MARK1: variants seen among roughly 807,000 people sequenced by gnomAD.
The protein encoded by MARK1 is serine/threonine-protein kinase MARK1.
In MARK1, 40 loss-of-function variants were observed where a neutral mutation model predicts 96.3. That is an observed-to-expected ratio of 0.42 (90% CI 0.32 to 0.54). MARK1 has a LOEUF of 0.54. Among genes scored for constraint, MARK1 ranks in the 20% least tolerant of loss-of-function variants. The probability of loss-of-function intolerance (pLI) is 0.16; values close to 1 mark genes in which losing one functional copy is unlikely to be tolerated. For missense variants in MARK1, 719 were observed against 984.6 expected (o/e 0.73, Z 3.61); for synonymous variants, 317 against 341.2 (o/e 0.93, Z 0.78).
intron 1 of MARK1, among the ~76,000 whole-genome samples, chr1:220,538,007 G>A (rs1558243193): frequency 6.6e-6 from 1 of 152,026 alleles, no homozygotes; most frequent in African/African-American, 2.4e-5. Context: ...AGATGAGTAG[G>A]TTGTGAAAAT....
intron 5 of MARK1, among the ~76,000 whole-genome samples, 171 bp from the exon 6 acceptor site, chr1:220,603,896 A>T (rs934608364): frequency 1.3e-5 from 2 of 152,108 alleles, no homozygotes; most frequent in Admixed American, 6.6e-5. Context: ...TCAATTTTAT[A>T]TGTAATTTTT....
chr1:220,557,005 A>G (rs1662310538), intron 1 of MARK1, among the ~76,000 whole-genome samples: 1 of 152,178 alleles, frequency 6.6e-6, no homozygotes, highest in South Asian at 2.1e-4. Context: ...GATTGTGGCT[A>G]GGGGTTATCC....
intron 1 of MARK1, among the ~76,000 whole-genome samples, chr1:220,532,455 A>G (rs1371245225): frequency 6.6e-6 from 1 of 152,152 alleles, no homozygotes; most frequent in African/African-American, 2.4e-5. Context: ...TACAGTATAT[A>G]AGAAATCAGT....
chr1:220,586,007 ACACACG>A (rs1171129032), intron 3 of MARK1, among the ~76,000 whole-genome samples: 1,682 of 61,784 alleles, frequency 0.027, 32 homozygotes, highest in African/African-American at 0.056. Context: ...ACACACACAC[ACACACG>A]CGCGCGTGCG....
intron 1 of MARK1, among the ~76,000 whole-genome samples, chr1:220,578,923 A>G (rs1572114184): frequency 6.6e-6 from 1 of 152,268 alleles, no homozygotes; most frequent in African/African-American, 2.4e-5. Flanking sequence ...GCTCACTGCA[A>G]CTTCCGCCTC....
At chr1:220,602,914 C>A (rs577885191) in intron 5 of MARK1, among the ~76,000 whole-genome samples, 4 of 151,976 alleles carry the variant, frequency 2.6e-5, no homozygotes, top group East Asian at 3.8e-4. Context: ...ATATGCCAGT[C>A]GCTGTGCTAA....
At chr1:220,563,892 C>T (rs1410488361) in intron 1 of MARK1, among the ~76,000 whole-genome samples, 1 of 152,074 alleles carries the variant, frequency 6.6e-6, no homozygotes, top group African/African-American at 2.4e-5. Context: ...AATTTGAACC[C>T]CCATCTTTTT....
Position 220,534,835 on chromosome 1 carries a change from G to T in MARK1, c.51+5962G>T, listed in dbSNP as rs563828570. On this transcript the variant is annotated intron_variant, in intron 1 of 17. Transcript: ENST00000366917. ...CACAATGCTCTTAAGGTTCATCCAT[G>T]TTATAGCATATGACAGGATTTCTGT... Among the ~76,000 whole-genome samples, 11 of 152,242 alleles carry T rather than the reference G, an allele frequency of 7.2e-5. No individual in the cohort carries two copies. The South Asian group carries it at 2.1e-3, about 29-fold the overall frequency.
At chr1:220,614,458 T>C (rs1048651375) in intron 6 of MARK1, among the ~76,000 whole-genome samples, 6 of 152,122 alleles carry the variant, frequency 3.9e-5, no homozygotes, top group Non-Finnish European at 8.8e-5. Flanking sequence ...TTATTCTTTA[T>C]TTTTTATGAT....
intron 1 of MARK1, among the ~76,000 whole-genome samples, chr1:220,556,572 A>G (rs1183665179): frequency 6.6e-6 from 1 of 151,826 alleles, no homozygotes; most frequent in African/African-American, 2.4e-5. Context: ...AAAAAGTAGT[A>G]ATACCACCCT....
At chr1:220,595,139 A>G (rs1665247935) in intron 3 of MARK1, among the ~76,000 whole-genome samples, 1 of 152,176 alleles carries the variant, frequency 6.6e-6, no homozygotes, top group Non-Finnish European at 1.5e-5. Context: ...TTCCTGCTCA[A>G]TTTTGCTGTG....
intron 1 of MARK1, among the ~76,000 whole-genome samples, chr1:220,544,655 T>C (rs1012061732): frequency 1.3e-5 from 2 of 152,220 alleles, no homozygotes; most frequent in Non-Finnish European, 2.9e-5. Context: ...CCTTTAGTTT[T>C]AGGCTGAATC....
chr1:220,599,735 T>C (rs1047352995), intron 4 of MARK1, 63 bp from the exon 5 acceptor site: 2 of 872,594 alleles, frequency 2.3e-6, no homozygotes, highest in African/African-American at 3.5e-5. Flanking sequence ...TACCTTAGAT[T>C]TTCTTAAAGC....
intron 1 of MARK1, among the ~76,000 whole-genome samples, chr1:220,559,517 A>G (rs1388836992): frequency 6.6e-6 from 1 of 152,236 alleles, no homozygotes; most frequent in Admixed American, 6.5e-5. Context: ...ACATGTGGTC[A>G]TGGGAGAATT....
intron 1 of MARK1, among the ~76,000 whole-genome samples, chr1:220,548,770 A>G (rs958356343): frequency 2.6e-5 from 4 of 152,106 alleles, no homozygotes; most frequent in Non-Finnish European, 5.9e-5. Context: ...AAAAAATATA[A>G]TAATAATAAT....
chr1:220,561,805 C>A (rs1662685593), intron 1 of MARK1, among the ~76,000 whole-genome samples: 1 of 152,080 alleles, frequency 6.6e-6, no homozygotes, highest in African/African-American at 2.4e-5. Flanking sequence ...GGCCAGGGAG[C>A]TGTTGTGTTC....
chr1:220,643,297 C>T (rs566062841), intron 13 of MARK1, among the ~76,000 whole-genome samples: 2 of 152,112 alleles, frequency 1.3e-5, no homozygotes, highest in South Asian at 4.2e-4. Flanking sequence ...GATGCAAACA[C>T]AAGTAGCAAC....
At chr1:220,562,544 C>A (rs751846179) in intron 1 of MARK1, among the ~76,000 whole-genome samples, 4 of 151,978 alleles carry the variant, frequency 2.6e-5, no homozygotes, top group African/African-American at 7.3e-5. Flanking sequence ...TTGAAGGTCC[C>A]CAAAGAACTG....
At chr1:220,596,461 A>G (rs1467872710) in intron 3 of MARK1, among the ~76,000 whole-genome samples, 1 of 152,192 alleles carries the variant, frequency 6.6e-6, no homozygotes, top group Non-Finnish European at 1.5e-5. Flanking sequence ...TTTATATTTT[A>G]TTTACTGATA....
Sources: gnomAD v4.1 joint callset for allele counts (sites outside exome capture counted in the v4.1 genomes callset) on GRCh38, gnomAD v4.1.1 for gene constraint, MANE v1.5 for transcripts, NCBI Gene and HGNC (gene_info 2026-07-23, HGNC 2026-07-21) for gene names.